The following CDH4 variants were observed in gnomAD, a reference collection of about 807,000 sequenced individuals.
CDH4 encodes the protein cadherin-4.
In CDH4, 33 loss-of-function variants were observed where a neutral mutation model predicts 86.0. The ratio of observed to expected loss-of-function variants is 0.38; its 90% confidence interval spans 0.29 to 0.51. The LOEUF (loss-of-function observed/expected upper bound fraction) is 0.51, where lower values mean the gene tolerates loss of function less well. CDH4 is among the 20% of genes least tolerant of loss of function. The pLI is 0.86. For missense variants in CDH4, 1,114 were observed against 1,307.4 expected (o/e 0.85, Z 2.28); for synonymous variants, 555 against 549.4 (o/e 1.01, Z -0.14).
intron 2 of CDH4, among the ~76,000 whole-genome samples, chr20:61,355,966 G>A (rs1600896321): frequency 6.6e-6 from 1 of 152,376 alleles, no homozygotes; most frequent in East Asian, 1.9e-4. Context: ...AAGAGAGCAT[G>A]TTATGGGGTT....
intron 2 of CDH4, among the ~76,000 whole-genome samples, chr20:61,720,193 G>A (rs868684219): frequency 2.6e-5 from 4 of 152,108 alleles, no homozygotes; most frequent in Non-Finnish European, 2.9e-5. Context: ...TGTTTTGGGC[G>A]AACGTTGGTG....
intron 2 of CDH4, among the ~76,000 whole-genome samples, chr20:61,496,176 G>A (rs550896902): frequency 6.6e-6 from 1 of 152,046 alleles, no homozygotes; most frequent in Admixed American, 6.6e-5. Context: ...GAGGCAGAAG[G>A]ATCACTTAAG....
chr20:61,275,704 C>A (rs979962245), intron 2 of CDH4, among the ~76,000 whole-genome samples: 12 of 147,456 alleles, frequency 8.1e-5, no homozygotes, highest in African/African-American at 3.0e-4. Flanking sequence ...GAGTACCGTG[C>A]GCAGTTTGGG....
chr20:61,794,389 G>A (rs563277608), intron 4 of CDH4, among the ~76,000 whole-genome samples: 6 of 152,246 alleles, frequency 3.9e-5, no homozygotes, highest in South Asian at 4.1e-4. Context: ...GGAACCCGTC[G>A]TTCCCCCACT....
At chr20:61,645,193 G>A (rs2087049246) in intron 2 of CDH4, among the ~76,000 whole-genome samples, 1 of 152,202 alleles carries the variant, frequency 6.6e-6, no homozygotes, top group Non-Finnish European at 1.5e-5. Context: ...TTGTGTGCTT[G>A]TAACTCTTGA....
At chr20:61,616,334 G>A (rs891570209) in intron 2 of CDH4, among the ~76,000 whole-genome samples, 1 of 152,206 alleles carries the variant, frequency 6.6e-6, no homozygotes, top group African/African-American at 2.4e-5. Context: ...TCTCATATCT[G>A]AAGCCCTTCC....
chr20:61,872,548 C>T (rs914004622), intron 6 of CDH4, among the ~76,000 whole-genome samples: 3 of 152,318 alleles, frequency 2.0e-5, no homozygotes, highest in African/African-American at 7.2e-5. Flanking sequence ...CCAGGGGAGG[C>T]ACTGCACAGG....
intron 2 of CDH4, among the ~76,000 whole-genome samples, chr20:61,379,561 G>A (rs569026956): frequency 5.9e-5 from 9 of 152,288 alleles, no homozygotes; most frequent in African/African-American, 1.9e-4. Flanking sequence ...GTGGCCTGTG[G>A]GGCTTTTGGT....
chr20:61,403,889 A>AC (rs1365843546), intron 2 of CDH4, among the ~76,000 whole-genome samples: 4 of 152,358 alleles, frequency 2.6e-5, no homozygotes, highest in South Asian at 4.1e-4. Flanking sequence ...GTCTGGCAGG[A>AC]CGCTGTGTTT....
At chr20:61,355,292 C>T (rs2084742336) in intron 2 of CDH4, among the ~76,000 whole-genome samples, 1 of 152,326 alleles carries the variant, frequency 6.6e-6, no homozygotes, top group East Asian at 1.9e-4. Context: ...ACCGGACTCT[C>T]ATTCCGCCTC....
intron 6 of CDH4, among the ~76,000 whole-genome samples, chr20:61,867,353 C>T (rs1983593408): frequency 6.6e-6 from 1 of 152,190 alleles, no homozygotes; most frequent in African/African-American, 2.4e-5. Context: ...AGTTCAAGAC[C>T]AGCCTGACCA....
intron 2 of CDH4, among the ~76,000 whole-genome samples, chr20:61,484,642 G>C (rs1308751766): frequency 6.6e-6 from 1 of 152,212 alleles, no homozygotes. Context: ...GCATTTGCTG[G>C]GCGTGCAAGG....
chr20:61,799,942 T>G (rs1432737293), intron 4 of CDH4, among the ~76,000 whole-genome samples: 1 of 152,044 alleles, frequency 6.6e-6, no homozygotes, highest in Non-Finnish European at 1.5e-5. Flanking sequence ...GCAACCTCCC[T>G]GAGAGCCCAG....
chr20:61,806,916 A>G (rs971070184), intron 4 of CDH4, among the ~76,000 whole-genome samples: 2 of 152,182 alleles, frequency 1.3e-5, no homozygotes, highest in Admixed American at 1.3e-4. Context: ...CCTGGGTAAG[A>G]GCCGCTGCAC....
At chr20:61,936,253 CCCCACACCACCCCTTGCCCTCT>C (rs1419461078) in intron 15 of CDH4, among the ~76,000 whole-genome samples, 2 of 147,302 alleles carry the variant, frequency 1.4e-5, no homozygotes, top group Non-Finnish European at 3.0e-5. Flanking sequence ...CCCTCACCTC[CCCCACACCACCCCTTGCCCTCT>C]CCCACACCCC....
chr20:61,862,186 C>A (rs543211393), intron 6 of CDH4, among the ~76,000 whole-genome samples: 1 of 152,298 alleles, frequency 6.6e-6, no homozygotes, highest in African/African-American at 2.4e-5. Context: ...TGGGCGACTC[C>A]CTTGACACCC....
At position 61,754,734 on chromosome 20, in the gene CDH4, G is replaced by A. The variant is rs556093120; in HGVS notation, c.396+10945G>A. ...ACACCGCACACACACTGCACGCCCC[G>A]CACACACTATGCACACCACACACAC... On this transcript the variant is annotated intron_variant, in intron 3 of 15. Coordinates refer to ENST00000614565, the MANE Select transcript of CDH4 (RefSeq NM_001794.5). This position sits in a 1 kb window ranked among gnomAD's most constrained non-coding sequence, Gnocchi z 4.7. 2.5e-5 allele frequency among the ~76,000 whole-genome samples: 3 copies of A among 121,854 alleles called. No individual in the cohort carries two copies. Among genetic ancestry groups the A allele is most frequent in the African/African-American group, 9.6e-5 (3 of 31,170 alleles). 79.9% of individuals were successfully genotyped at this position (121,854 alleles called of 152,430 possible). A position where few individuals can be genotyped will look rare whatever the true frequency, so the allele number is the denominator to read the frequency against.
intron 4 of CDH4, among the ~76,000 whole-genome samples, chr20:61,801,266 G>A (rs1041186495): frequency 2.6e-5 from 4 of 152,148 alleles, no homozygotes; most frequent in Non-Finnish European, 5.9e-5. Context: ...AGACATTGGG[G>A]GAGTGGGGTC....
At chr20:61,686,495 G>A (rs2087576835) in intron 2 of CDH4, among the ~76,000 whole-genome samples, 1 of 151,664 alleles carries the variant, frequency 6.6e-6, no homozygotes, top group Admixed American at 6.6e-5. Flanking sequence ...GTGTGCATTC[G>A]CGTGTGTGTA....
Sources: allele counts gnomAD v4.1 joint callset (sites outside exome capture counted in the v4.1 genomes callset), GRCh38; gene constraint gnomAD v4.1.1; non-coding constraint Gnocchi (gnomAD v3.1); transcripts MANE v1.5; gene names NCBI Gene and HGNC (gene_info 2026-07-23, HGNC 2026-07-21).